COP1: variants seen among roughly 807,000 people sequenced by gnomAD.
COP1 encodes COP1 E3 ubiquitin ligase.
In COP1, 24 loss-of-function variants were observed where a neutral mutation model predicts 101.3. The ratio of observed to expected loss-of-function variants is 0.24; its 90% CI spans 0.17 to 0.33. The LOEUF (loss-of-function observed/expected upper bound fraction) is 0.33, where lower values mean the gene tolerates loss of function less well. COP1 is among the 10% of genes least tolerant of loss of function. COP1 has a pLI of 1.00. For synonymous variants in COP1, 347 were observed against 341.9 expected (o/e 1.01, Z -0.17); for missense variants, 663 against 906.2 (o/e 0.73, Z 3.45).
chr1:176,050,156 T>C (rs916959835), intron 11 of COP1, among the ~76,000 whole-genome samples: 1 of 152,270 alleles, frequency 6.6e-6, no homozygotes, highest in African/African-American at 2.4e-5. Flanking sequence ...GCATTTTTCT[T>C]TCACATTTTG....
At chr1:175,945,560 CTG>C (rs1174813126) in intron 19 of COP1, among the ~76,000 whole-genome samples, 1 of 152,208 alleles carries the variant, frequency 6.6e-6, no homozygotes, top group Non-Finnish European at 1.5e-5. Context: ...TCAATAAACA[CTG>C]TTTATAATGA....
chr1:176,123,969 A>C (rs1410487846), intron 8 of COP1, among the ~76,000 whole-genome samples: 3 of 152,164 alleles, frequency 2.0e-5, no homozygotes, highest in African/African-American at 7.2e-5. Flanking sequence ...CTAATCAATC[A>C]GATTTTAAAA....
intron 11 of COP1, among the ~76,000 whole-genome samples, chr1:176,064,659 T>C (rs1675585155): frequency 6.6e-6 from 1 of 152,194 alleles, no homozygotes; most frequent in Admixed American, 6.5e-5. Flanking sequence ...CCCCGTTTTC[T>C]TTCTTTTTTT....
chr1:176,159,972 T>C (rs77879395), intron 5 of COP1, among the ~76,000 whole-genome samples: 10,562 of 152,248 alleles, frequency 0.069, 460 homozygotes, highest in Admixed American at 0.087. Flanking sequence ...TTTTCTGTAC[T>C]TTTCTGTATG....
intron 18 of COP1, among the ~76,000 whole-genome samples, chr1:175,984,674 T>C (rs1222658992): frequency 6.6e-6 from 1 of 152,174 alleles, no homozygotes; most frequent in Non-Finnish European, 1.5e-5. Context: ...TGCCAGCTCG[T>C]TAAAGCAGCC....
intron 18 of COP1, among the ~76,000 whole-genome samples, chr1:175,970,466 T>G (rs1653021357): frequency 6.6e-6 from 1 of 152,150 alleles, no homozygotes; most frequent in Non-Finnish European, 1.5e-5. Flanking sequence ...TTATATTAGA[T>G]TATTGAAAAT....
intron 5 of COP1, among the ~76,000 whole-genome samples, chr1:176,153,988 T>C (rs781284855): frequency 3.3e-5 from 5 of 152,350 alleles, no homozygotes; most frequent in Middle Eastern, 3.4e-3. Flanking sequence ...CTGGATTCAA[T>C]TTGCCAGTAT....
At chr1:176,163,744 T>G in intron 4 of COP1, 71 bp downstream of exon 4, 1 of 940,464 alleles carries the variant, frequency 1.1e-6, no homozygotes, top group Non-Finnish European at 1.6e-6. Flanking sequence ...CTTTAACATC[T>G]AACTAATATT....
At chr1:176,151,705 A>C (rs1335077997) in intron 5 of COP1, among the ~76,000 whole-genome samples, 1 of 152,222 alleles carries the variant, frequency 6.6e-6, no homozygotes, top group Non-Finnish European at 1.5e-5. Context: ...CTGCCTATTA[A>C]ACTCTTCTTA....
chr1:176,087,805 T>C (rs1480691234), intron 9 of COP1, among the ~76,000 whole-genome samples: 2 of 152,160 alleles, frequency 1.3e-5, no homozygotes, highest in East Asian at 1.9e-4. Flanking sequence ...CACATGCACA[T>C]GTATGTTTAT....
intron 11 of COP1, among the ~76,000 whole-genome samples, chr1:176,080,427 T>C (rs1018129517): frequency 6.6e-6 from 1 of 152,038 alleles, no homozygotes; most frequent in African/African-American, 2.4e-5. Flanking sequence ...AGAGCAAAGA[T>C]TAATGATAAC....
intron 9 of COP1, among the ~76,000 whole-genome samples, chr1:176,091,345 CA>C (rs71129552): frequency 0.74 from 92,919 of 125,170 alleles, 33,468 homozygotes; most frequent in East Asian, 0.88. Flanking sequence ...GACTCCGTCT[CA>C]AAAAAAAAAA....
Position 176,134,025 on chromosome 1 carries a change from T to C in COP1, c.968+985A>G, listed in dbSNP as rs1457520274. ...CCAGAATTAACGAACTCACAAGGAT[T>C]CTCCATACTATAATTAATGGGAAAA... On this transcript the variant is annotated intron_variant, in intron 8 of 19. Coordinates refer to ENST00000367669, the MANE Select transcript of COP1 (RefSeq NM_022457.7). The C allele has an allele frequency of 1.1e-5, 4 of 364,068 alleles. No individual in the cohort carries two copies. In the Admixed American group the frequency reaches 1.4e-4, roughly 13 times the overall value. The allele number at this position is 364,068 out of a possible 1,614,324, so 22.6% of individuals were successfully genotyped here. A position where few individuals can be genotyped will look rare whatever the true frequency, so the allele number is the denominator to read the frequency against.
intron 18 of COP1, among the ~76,000 whole-genome samples, chr1:175,970,195 C>A (rs1457159686): frequency 1.3e-5 from 2 of 152,106 alleles, no homozygotes; most frequent in Non-Finnish European, 2.9e-5. Context: ...TGGTAGACTG[C>A]ATTCTATAGG....
chr1:176,160,565 A>G (rs1425722547), intron 5 of COP1, among the ~76,000 whole-genome samples: 3 of 152,108 alleles, frequency 2.0e-5, no homozygotes, highest in African/African-American at 7.2e-5. Flanking sequence ...AACTTTGAAC[A>G]AATTTACAGG....
intron 1 of COP1, among the ~76,000 whole-genome samples, chr1:176,197,111 A>T (rs1264372449): frequency 6.6e-6 from 1 of 152,224 alleles, no homozygotes; most frequent in East Asian, 1.9e-4. Context: ...GGTAAAATAC[A>T]GTCATATTGG....
At chr1:176,135,293 A>G (rs1689626776) in intron 7 of COP1, among the ~76,000 whole-genome samples, 1 of 152,060 alleles carries the variant, frequency 6.6e-6, no homozygotes, top group Non-Finnish European at 1.5e-5. Context: ...CATGGTACAC[A>G]ATCTTAAAGA....
chr1:176,096,510 C>T (rs750153736), intron 9 of COP1, among the ~76,000 whole-genome samples: 3 of 152,206 alleles, frequency 2.0e-5, no homozygotes, highest in Non-Finnish European at 4.4e-5. Flanking sequence ...GCCTCAGGGG[C>T]CTGGGCCCTG....
At chr1:176,157,237 C>G (rs956172736) in intron 5 of COP1, among the ~76,000 whole-genome samples, 9 of 152,060 alleles carry the variant, frequency 5.9e-5, no homozygotes, top group Non-Finnish European at 1.2e-4. Flanking sequence ...TTAACCCACA[C>G]TACATAATCA....
Sources: gnomAD v4.1 joint callset for allele counts (sites outside exome capture counted in the v4.1 genomes callset) on GRCh38, gnomAD v4.1.1 for gene constraint, MANE v1.5 for transcripts, NCBI Gene and HGNC (gene_info 2026-07-23, HGNC 2026-07-21) for gene names.